The following SMAD3 variants were observed in gnomAD, a reference collection of about 807,000 sequenced individuals.
SMAD3 encodes the protein SMAD family member 3.
In SMAD3, 12 loss-of-function variants were observed where a neutral mutation model predicts 51.8. The ratio of observed to expected loss-of-function variants is 0.23; its 90% CI spans 0.15 to 0.38. The LOEUF (loss-of-function observed/expected upper bound fraction) is 0.38, where lower values mean the gene tolerates loss of function less well. Ranked by LOEUF, SMAD3 falls within the 10% of genes least tolerant of loss-of-function variation. SMAD3 has a pLI of 1.00. For missense variants in SMAD3, 294 were observed against 565.6 expected (o/e 0.52, Z 4.87); for synonymous variants, 238 against 227.7 (o/e 1.05, Z -0.41).
chr15:67,152,896 T>C (rs1844660634), intron 1 of SMAD3, among the ~76,000 whole-genome samples: 1 of 152,164 alleles, frequency 6.6e-6, no homozygotes, highest in Admixed American at 6.5e-5. Flanking sequence ...CTCCTCCTCC[T>C]TCAATATTTA....
At chr15:67,102,575 G>A (rs1960784697) in intron 1 of SMAD3, among the ~76,000 whole-genome samples, 1 of 152,044 alleles carries the variant, frequency 6.6e-6, no homozygotes, top group South Asian at 2.1e-4. Flanking sequence ...GGGCCATACT[G>A]GGATGACCTG....
intron 1 of SMAD3, among the ~76,000 whole-genome samples, chr15:67,102,554 G>A (rs1960784073): frequency 6.6e-6 from 1 of 152,058 alleles, no homozygotes; most frequent in Non-Finnish European, 1.5e-5. Flanking sequence ...TATGTCCAAG[G>A]TGCTAATTCA....
rs28564690 is a variant in SMAD3, at chr15:67,118,099, A to T, written c.207-46796A>T. Among the ~76,000 whole-genome samples, 794 of 152,360 alleles carry T rather than the reference A, an allele frequency of 5.2e-3. 4 individuals carry two copies. The highest frequency in any genetic ancestry group is 0.018 in the African/African-American group (756 of 41,588). ...AGAGTGAGACAATGTCTCAAAAAATAAAAAAGAGAGAGTCTGAAATTCATT... is the reference window on the plus strand; with the variant it reads ...AGAGTGAGACAATGTCTCAAAAAATTAAAAAGAGAGAGTCTGAAATTCATT... On this transcript the variant is annotated intron_variant, in intron 1 of 8. Coordinates refer to ENST00000327367, the MANE Select transcript of SMAD3 (RefSeq NM_005902.4).
At chr15:67,106,511 G>A (rs1168766827) in intron 1 of SMAD3, among the ~76,000 whole-genome samples, 1 of 152,104 alleles carries the variant, frequency 6.6e-6, no homozygotes, top group Non-Finnish European at 1.5e-5. Context: ...CACAGAGACT[G>A]TTCTTTTCCT....
intron 1 of SMAD3, chr15:67,128,055 C>T (rs1238412757): frequency 6.6e-6 from 1 of 152,234 alleles, no homozygotes; most frequent in African/African-American, 2.4e-5. Context: ...TAGAATCCAC[C>T]TTCCCTATCA....
chr15:67,142,434 G>A (rs1004387952), intron 1 of SMAD3, among the ~76,000 whole-genome samples: 2 of 152,146 alleles, frequency 1.3e-5, no homozygotes, highest in African/African-American at 4.8e-5. Flanking sequence ...GGGTTGGAAA[G>A]CATTTCCTTC....
At chr15:67,118,267 G>C (rs575956487) in intron 1 of SMAD3, among the ~76,000 whole-genome samples, 1 of 152,254 alleles carries the variant, frequency 6.6e-6, no homozygotes, top group African/African-American at 2.4e-5. Flanking sequence ...GTCCAGCCCA[G>C]CTGAGAGGAG....
chr15:67,151,097 G>C (rs1962129007), intron 1 of SMAD3, among the ~76,000 whole-genome samples: 1 of 151,402 alleles, frequency 6.6e-6, no homozygotes, highest in African/African-American at 2.4e-5. Flanking sequence ...GACCTCAGGT[G>C]ATCTGCCCAC....
At chr15:67,150,798 C>CTTTTTTTTTTTTT in intron 1 of SMAD3, among the ~76,000 whole-genome samples, 1 of 35,524 alleles carries the variant, frequency 2.8e-5, no homozygotes. Context: ...CCATGTCCTG[C>CTTTTTTTTTTTTT]TTTTTTTTTT....
intron 1 of SMAD3, among the ~76,000 whole-genome samples, chr15:67,090,163 G>T (rs1318488334): frequency 6.6e-6 from 1 of 152,192 alleles, no homozygotes; most frequent in Non-Finnish European, 1.5e-5. Flanking sequence ...CCTTACTCAG[G>T]GTCAGGGCTT....
intron 5 of SMAD3, among the ~76,000 whole-genome samples, chr15:67,178,797 G>A (rs890186084): frequency 2.0e-5 from 3 of 152,124 alleles, no homozygotes; most frequent in Admixed American, 6.5e-5. Context: ...CGTGGCTGAC[G>A]TGGCTCAGCC....
chr15:67,071,929 C>A (rs951635684), intron 1 of SMAD3, among the ~76,000 whole-genome samples: 1 of 152,158 alleles, frequency 6.6e-6, no homozygotes, highest in South Asian at 2.1e-4. Flanking sequence ...GAGAATAAAT[C>A]CTAGACGCCT....
intron 1 of SMAD3, among the ~76,000 whole-genome samples, chr15:67,159,998 T>A (rs1303680991): frequency 1.3e-5 from 2 of 152,230 alleles, no homozygotes; most frequent in Non-Finnish European, 2.9e-5. Context: ...TTTATTTCTC[T>A]TGGGTAAATA....
At chr15:67,094,059 A>G (rs919426032) in intron 1 of SMAD3, among the ~76,000 whole-genome samples, 3 of 152,222 alleles carry the variant, frequency 2.0e-5, no homozygotes, top group Admixed American at 2.0e-4. Flanking sequence ...TCCCAGGCCC[A>G]CACTTCCAGT....
chr15:67,119,531 C>T (rs1444664074), intron 1 of SMAD3, among the ~76,000 whole-genome samples: 1 of 152,166 alleles, frequency 6.6e-6, no homozygotes, highest in Non-Finnish European at 1.5e-5. Flanking sequence ...GCATGGAGTG[C>T]TTTCAGAGGC....
chr15:67,139,651 C>T (rs1961764530), intron 1 of SMAD3, among the ~76,000 whole-genome samples: 1 of 152,114 alleles, frequency 6.6e-6, no homozygotes, highest in South Asian at 2.1e-4. Context: ...CCCAAGCTCC[C>T]CCTCCTAAGC....
intron 7 of SMAD3, chr15:67,186,852 T>C (rs1342300103): frequency 2.8e-6 from 1 of 350,970 alleles, no homozygotes; most frequent in African/African-American, 2.1e-5. Context: ...CCAAGCTTCC[T>C]GTGGGGACGG....
chr15:67,183,234 G>A (rs1348595891), intron 6 of SMAD3, among the ~76,000 whole-genome samples: 1 of 150,998 alleles, frequency 6.6e-6, no homozygotes, highest in Non-Finnish European at 1.5e-5. Context: ...AGTAGATATG[G>A]GGATTCACCA....
chr15:67,071,716 G>A (rs1277233088), intron 1 of SMAD3, among the ~76,000 whole-genome samples: 2 of 152,188 alleles, frequency 1.3e-5, no homozygotes, highest in Non-Finnish European at 2.9e-5. Context: ...GGAGGCTGAG[G>A]CAAGAGAATG....
Sources: allele counts gnomAD v4.1 joint callset (sites outside exome capture counted in the v4.1 genomes callset), GRCh38; gene constraint gnomAD v4.1.1; transcripts MANE v1.5; gene names NCBI Gene and HGNC (gene_info 2026-07-23, HGNC 2026-07-21).